Variants in INPP5J observed in about 807,000 individuals in gnomAD.
INPP5J encodes phosphatidylinositol 4,5-bisphosphate 5-phosphatase A.
Under a neutral mutation model 86.6 loss-of-function variants are expected in INPP5J, and 75 were observed. The observed-to-expected ratio is 0.87, with a 90% CI of 0.72 to 1.05. INPP5J has a LOEUF of 1.05. INPP5J is among the 50% of genes least tolerant of loss of function. INPP5J has a pLI of 0.00. For synonymous variants in INPP5J, 540 were observed against 550.0 expected, an observed-to-expected ratio of 0.98 and a Z score of 0.25; for missense variants, 1,229 against 1,341.2, an observed-to-expected ratio of 0.92 and a Z score of 1.31.
intron 9 of INPP5J, among the ~76,000 whole-genome samples, chr22:31,132,673 A>T (rs1185437405): frequency 6.6e-6 from 1 of 150,724 alleles, no homozygotes; most frequent in African/African-American, 2.4e-5. Flanking sequence ...CGGGAGGTGG[A>T]GGTTGCAGTG....
At chr22:31,122,618 G>C (rs1920985184), upstream of INPP5J, 1 of 173,202 alleles carries the variant, frequency 5.8e-6, no homozygotes, top group Admixed American at 6.3e-5. Flanking sequence ...GAACTCAGTT[G>C]TCTCTGAGGC....
intron 11 of INPP5J, 23 bp from the exon 12 acceptor site, chr22:31,133,587 G>T: frequency 1.2e-6 from 2 of 1,602,878 alleles, no homozygotes; most frequent in South Asian, 2.2e-5. Context: ...CCCAACTTAG[G>T]CTTATACCCC....
chr22:31,129,177 AC>A (rs1450825058), intron 9 of INPP5J, among the ~76,000 whole-genome samples: 113 of 127,168 alleles, frequency 8.9e-4, no homozygotes, highest in Middle Eastern at 4.7e-3. Flanking sequence ...TGATCCACCC[AC>A]CTTGGCCTCC....
At position 31,125,185 on chromosome 22, in the gene INPP5J, G is replaced by T; in HGVS notation, c.446G>T (p.Arg149Ile). 1 of 1,550,440 alleles carries T rather than the reference G, an allele frequency of 6.4e-7. No individual in the cohort carries two copies. The highest frequency in any genetic ancestry group is 2.4e-5 in the East Asian group (1 of 40,914). ...GLVMPASAGP[R>I]SPPVTLGPNL... ...GTGATGCCTGCCTCAGCAGGGCCAA[G>T]ATCTCCCCCAGTCACCCTGGGGCCC... Residue 149 changes from arginine to isoleucine, a missense_variant, in exon 2 of 13, where the codon AGA becomes ATA. Coordinates refer to ENST00000331075, the MANE Select transcript of INPP5J (RefSeq NM_001284285.2).
intron 3 of INPP5J, 55 bp downstream of exon 3, chr22:31,126,544 C>T: frequency 4.4e-6 from 7 of 1,601,964 alleles, no homozygotes; most frequent in Non-Finnish European, 6.0e-6. Context: ...CTTCCGGGCC[C>T]TCCACCCATG....
rs770304662 is a variant in INPP5J at position 31,126,019 on chromosome 22, G to T, written c.1271+9G>T. On this transcript the variant is annotated intron_variant, in intron 2 of 12. Coordinates refer to ENST00000331075, the MANE Select transcript of INPP5J (RefSeq NM_001284285.2). ...AGCGACCCCGGCTTCCGGTGAGGGG[G>T]CCCTCTCCCAAGAAAGGTGGCTGGG... is the stretch of plus-strand genomic sequence containing the variant. 1.2e-5 allele frequency: 18 copies of T among 1,549,366 alleles called. No individual in the cohort carries two copies. The highest frequency in any genetic ancestry group is 2.3e-5 in the East Asian group (1 of 44,176).
At chr22:31,127,558 G>A (rs757982201) in intron 6 of INPP5J, 26 bp downstream of exon 6, 54 of 1,598,002 alleles carry the variant, frequency 3.4e-5, no homozygotes, top group Non-Finnish European at 4.5e-5. Context: ...GGGCCAAATA[G>A]AGCTTGGGTG....
At chr22:31,123,721 G>A (rs1475811341) in intron 1 of INPP5J, among the ~76,000 whole-genome samples, 1 of 152,204 alleles carries the variant, frequency 6.6e-6, no homozygotes, top group African/African-American at 2.4e-5. Flanking sequence ...CCTGGGGCAA[G>A]TATAGACATT....
intron 9 of INPP5J, among the ~76,000 whole-genome samples, chr22:31,132,725 C>T (rs1017957597): frequency 5.4e-5 from 8 of 147,134 alleles, no homozygotes; most frequent in African/African-American, 2.0e-4. Context: ...GGTGACAGAG[C>T]GAGACTCCAT....
Position 31,133,344 on chromosome 22 carries a change from G to C in INPP5J, c.2332-62G>C, listed in dbSNP as rs984045683. The stretch of plus-strand genomic sequence containing the variant: ...TGTCCAGATCTTGATGCCACACTGG[G>C]AGACTGCTGGGATCAGACATTATAG... On this transcript the variant is annotated intron_variant, in intron 10 of 12. Transcript: ENST00000331075. 4 of 1,596,982 alleles carry C rather than the reference G, an allele frequency of 2.5e-6. No individual in the cohort carries two copies. The Admixed American group carries it at 6.9e-5, about 28-fold the overall frequency.
intron 9 of INPP5J, among the ~76,000 whole-genome samples, chr22:31,132,270 A>G (rs1184513422): frequency 6.6e-6 from 1 of 152,212 alleles, no homozygotes; most frequent in African/African-American, 2.4e-5. Flanking sequence ...TTGCCTGCTC[A>G]GGAATATTCA....
intron 9 of INPP5J, among the ~76,000 whole-genome samples, chr22:31,129,232 C>CTTTTTTTTTTTT (rs576089657): frequency 1.0e-4 from 8 of 79,122 alleles, no homozygotes; most frequent in Admixed American, 2.0e-4. Flanking sequence ...GTCTGGCCAA[C>CTTTTTTTTTTTT]TTTTTTTTTT....
chr22:31,133,455 A>T lies in INPP5J; in HGVS notation c.2381A>T (p.His794Leu). ...KDYVAYVWAK[H>L]EDVDGNTYQV... ...TATGTGGCTTATGTCTGGGCCAAAC[A>T]TGAAGATGTGGATGGGAATACCTAC... The change falls in exon 11 of 13, where the codon CAT (histidine) becomes CTT (leucine). Residue 794 changes from histidine to leucine, a missense_variant. Transcript: ENST00000331075. 6.2e-7 allele frequency: 1 copy of T among 1,613,900 alleles called. No individual in the cohort carries two copies.
At position 31,134,254 on chromosome 22, in the gene INPP5J, A is replaced by G; in HGVS notation, c.2856A>G (p.Pro952=). 6.4e-7 allele frequency: 1 copy of G among 1,551,228 alleles called. No individual in the cohort carries two copies. The highest frequency in any genetic ancestry group is 2.4e-5 in the East Asian group (1 of 40,998). Residue 952 remains proline (P), a synonymous_variant, in exon 13 of 13, where the codon CCA becomes CCG. Coordinates refer to ENST00000331075, the MANE Select transcript of INPP5J (RefSeq NM_001284285.2). ...TGCCTGGCCCCTGGGCCTTCCCACCAGCTGTGCCTCGAAGCCTGGGCCTGT... is the reference window on the plus strand; with the variant it reads ...TGCCTGGCCCCTGGGCCTTCCCACCGGCTGTGCCTCGAAGCCTGGGCCTGT... ...SGLPGPWAFP[P]AVPRSLGLLP...
Position 31,127,934 on chromosome 22 carries a change from TCCCCCAC to T in INPP5J, c.1788-13_1788-7del. 1.2e-6 allele frequency: 1 copy of T among 861,102 alleles called. No individual in the cohort carries two copies. The highest frequency in any genetic ancestry group is 2.1e-5 in the African/African-American group (1 of 48,658). The allele number at this position is 861,102 out of a possible 1,614,324, so 53.3% of individuals were successfully genotyped here. A position where few individuals can be genotyped will look rare whatever the true frequency, so the allele number is the denominator to read the frequency against. On this transcript the variant is annotated splice_polypyrimidine_tract_variant and intron_variant, in intron 6 of 12. Coordinates refer to ENST00000331075, the MANE Select transcript of INPP5J (RefSeq NM_001284285.2). ...CCCACTGCCCCCCACATCTCTCCCATCCCCCACCCCAAACAGCCTCGTGTTCTGGTTC... is the reference window on the plus strand; with the variant it reads ...CCCACTGCCCCCCACATCTCTCCCATCCCAAACAGCCTCGTGTTCTGGTTC...
In INPP5J at chr22:31,123,135, C is replaced by G; in HGVS notation, c.105+16C>G. On this transcript the variant is annotated intron_variant, in intron 1 of 12. Coordinates refer to ENST00000331075, the MANE Select transcript of INPP5J (RefSeq NM_001284285.2). ...ACCCTCCAAGGTAAGACCCCTGAGA[C>G]CCAGTGCCCCCCGCTTTCCTGATCC... is the stretch of plus-strand genomic sequence containing the variant. The G allele has an allele frequency of 7.0e-7, 1 of 1,428,552 alleles. No individual in the cohort carries two copies. The highest frequency in any genetic ancestry group is 9.3e-7 in the Non-Finnish European group (1 of 1,079,878). 88.5% of individuals were successfully genotyped at this position (1,428,552 alleles called of 1,614,324 possible).
rs1297416237 is a variant in INPP5J at position 31,133,434 on chromosome 22, T to G, written c.2360T>G (p.Val787Gly). ...RVGFRHCKDY[V>G]AYVWAKHEDV... is the part of the protein sequence containing the mutation. ...GGTTTCCGCCATTGCAAGGACTATG[T>G]GGCTTATGTCTGGGCCAAACATGAA... The change falls in exon 11 of 13, where the codon GTG (valine) becomes GGG (glycine). Residue 787 changes from valine to glycine, a missense_variant. Coordinates refer to ENST00000331075, the MANE Select transcript of INPP5J (RefSeq NM_001284285.2). 1.9e-6 allele frequency: 3 copies of G among 1,613,908 alleles called. No homozygotes were observed. The highest frequency in any genetic ancestry group is 2.5e-6 in the Non-Finnish European group (3 of 1,179,844).
Position 31,123,031 on chromosome 22 carries a change from G to GCAGGGGCAGCAGGAGGC in INPP5J, c.23_39dup (p.Thr14AlafsTer43). 1 of 1,467,916 alleles carries GCAGGGGCAGCAGGAGGC rather than the reference G, an allele frequency of 6.8e-7. No individual in the cohort carries two copies. The highest frequency in any genetic ancestry group is 9.0e-7 in the Non-Finnish European group (1 of 1,112,320). 90.9% of individuals were successfully genotyped at this position (1,467,916 alleles called of 1,614,324 possible). On this transcript the variant is annotated frameshift_variant, in exon 1 of 13. Coordinates refer to ENST00000331075, the MANE Select transcript of INPP5J (RefSeq NM_001284285.2). LOFTEE classifies it high-confidence loss of function. Reference sequence around the variant, plus strand: ...GCTGCAGACATGGAGGGCCAGAGCAGCAGGGGCAGCAGGAGGCCAGGGACC... The same window carrying GCAGGGGCAGCAGGAGGC: ...GCTGCAGACATGGAGGGCCAGAGCAGCAGGGGCAGCAGGAGGCCAGGGGCAGCAGGAGGCCAGGGACC...
intron 4 of INPP5J, 88 bp from the exon 5 acceptor site, chr22:31,126,820 CTGGGTCCGTGACA>C (rs879139592): frequency 7.0e-7 from 1 of 1,425,178 alleles, no homozygotes; most frequent in South Asian, 1.2e-5. Context: ...GCCTCTGTGG[CTGGGTCCGTGACA>C]TGGGTGGGTG....
Sources: allele counts gnomAD v4.1 joint callset (sites outside exome capture counted in the v4.1 genomes callset), GRCh38; gene constraint gnomAD v4.1.1; transcripts MANE v1.5; gene names NCBI Gene and HGNC (gene_info 2026-07-23, HGNC 2026-07-21).